Variants in DHRSX observed in about 807,000 individuals in gnomAD.
DHRSX encodes polyprenol dehydrogenase.
DHRSX carries 31 observed loss-of-function variants against 34.0 expected under a neutral mutation model. The ratio of observed to expected loss-of-function variants is 0.91; its 90% CI spans 0.69 to 1.23. The LOEUF (loss-of-function observed/expected upper bound fraction) is 1.23. DHRSX is among the 50% of genes most tolerant of loss of function. The pLI is 0.00. For missense variants in DHRSX, 414 were observed against 428.1 expected (o/e 0.97, Z 0.29); for synonymous variants, 201 against 183.8 (o/e 1.09, Z -0.76).
intron 5 of DHRSX, among the ~76,000 whole-genome samples, chrX:2,252,799 C>G: frequency 6.6e-6 from 1 of 152,172 alleles, no homozygotes; most frequent in South Asian, 2.1e-4. Context: ...GAAGAAATAT[C>G]CACCCCAGAA....
intron 1 of DHRSX, among the ~76,000 whole-genome samples, chrX:2,425,516 T>C (rs190881867): frequency 6.6e-6 from 1 of 152,126 alleles, no homozygotes; most frequent in Non-Finnish European, 1.5e-5. Context: ...AAAAACCACC[T>C]GATAAATCCC....
At chrX:2,253,626 C>T (rs62595490) in intron 5 of DHRSX, among the ~76,000 whole-genome samples, 108,241 of 152,192 alleles carry the variant, frequency 0.71, 39,830 homozygotes, top group African/African-American at 0.8. Flanking sequence ...ATGAGCTTTC[C>T]TGTTGAATAA....
intron 3 of DHRSX, among the ~76,000 whole-genome samples, chrX:2,378,669 CTTGA>C (rs1037084808): frequency 6.6e-6 from 1 of 151,506 alleles, no homozygotes; most frequent in African/African-American, 2.4e-5. Context: ...ATTTTTTTCT[CTTGA>C]TTAATTTTTT....
chrX:2,342,441 C>T (rs1602975457), intron 3 of DHRSX, among the ~76,000 whole-genome samples: 1 of 152,026 alleles, frequency 6.6e-6, no homozygotes, highest in East Asian at 1.9e-4. Flanking sequence ...CTGGGCAGGA[C>T]GGTGACCATG....
chrX:2,355,510 C>CT (rs1193194275), intron 3 of DHRSX, among the ~76,000 whole-genome samples: 2 of 28,552 alleles, frequency 7.0e-5, no homozygotes, highest in Admixed American at 7.5e-4. Flanking sequence ...GAGACCCCAT[C>CT]TAAAAAAAAA....
intron 1 of DHRSX, among the ~76,000 whole-genome samples, chrX:2,432,151 G>A (rs748385583): frequency 9.9e-5 from 15 of 151,996 alleles, no homozygotes; most frequent in South Asian, 8.3e-4. Flanking sequence ...CTGAGATCAC[G>A]CCAGTGCACT....
intron 3 of DHRSX, among the ~76,000 whole-genome samples, chrX:2,296,327 C>T (rs2041931019): frequency 6.6e-6 from 1 of 152,098 alleles, no homozygotes. Flanking sequence ...CGCATGCCAG[C>T]TTCTGCCCCA....
At chrX:2,497,741 G>A (rs2045318052) in intron 1 of DHRSX, among the ~76,000 whole-genome samples, 1 of 152,096 alleles carries the variant, frequency 6.6e-6, no homozygotes, top group African/African-American at 2.4e-5. Flanking sequence ...TCTCTCCTTT[G>A]CAAAACTCAT....
At chrX:2,378,818 G>A (rs376276618) in intron 3 of DHRSX, among the ~76,000 whole-genome samples, 2 of 151,816 alleles carry the variant, frequency 1.3e-5, no homozygotes, top group African/African-American at 4.8e-5. Context: ...TTGCAGGTGC[G>A]CACCACCACG....
At chrX:2,285,551 G>A (rs1431130392) in intron 4 of DHRSX, among the ~76,000 whole-genome samples, 1 of 151,596 alleles carries the variant, frequency 6.6e-6, no homozygotes, top group African/African-American at 2.4e-5. Flanking sequence ...TACAGATGAA[G>A]CTTTGCTTGT....
chrX:2,405,924 G>C (rs2043549205), intron 3 of DHRSX, among the ~76,000 whole-genome samples: 1 of 151,470 alleles, frequency 6.6e-6, no homozygotes, highest in Non-Finnish European at 1.5e-5. Context: ...AAAAAATAAG[G>C]TACCACACAT....
chrX:2,491,947 G>A (rs2045159158), intron 1 of DHRSX, among the ~76,000 whole-genome samples: 1 of 152,174 alleles, frequency 6.6e-6, no homozygotes, highest in Non-Finnish European at 1.5e-5. Flanking sequence ...TCTGTGACTG[G>A]GTTGCCCAAA....
At chrX:2,434,013 C>T (rs908161608) in intron 1 of DHRSX, among the ~76,000 whole-genome samples, 3 of 152,048 alleles carry the variant, frequency 2.0e-5, no homozygotes, top group Non-Finnish European at 2.9e-5. Context: ...CTCCTGATCT[C>T]GTGATCCGCC....
At chrX:2,245,763 C>T (rs74924424) in intron 5 of DHRSX, among the ~76,000 whole-genome samples, 72,859 of 142,474 alleles carry the variant, frequency 0.51, 18,901 homozygotes, top group Middle Eastern at 0.6. Flanking sequence ...TGAGACCAGG[C>T]TGGCCAACAT....
At chrX:2,405,279 G>A (rs756206803) in intron 3 of DHRSX, among the ~76,000 whole-genome samples, 1 of 151,044 alleles carries the variant, frequency 6.6e-6, no homozygotes, top group Admixed American at 6.6e-5. Flanking sequence ...ATGAGGTCAG[G>A]AGTTCAAGAC....
chrX:2,408,347 T>C (rs1334739616), intron 3 of DHRSX, among the ~76,000 whole-genome samples: 1 of 152,026 alleles, frequency 6.6e-6, no homozygotes. Flanking sequence ...GTGCTGGGAT[T>C]ACAGGCGCGA....
intron 6 of DHRSX, among the ~76,000 whole-genome samples, chrX:2,231,330 A>G (rs1302851782): frequency 3.3e-5 from 5 of 151,696 alleles, no homozygotes; most frequent in South Asian, 2.1e-4. Flanking sequence ...GTGTACCTCA[A>G]ACTGATCTGG....
rs112680079 is a variant in DHRSX at position 2,341,651 on chromosome X, C to CTT, written c.287-50050_287-50049dup. Among the ~76,000 whole-genome samples the CTT allele has an allele frequency of 1.3e-4, 16 of 121,084 alleles. No individual in the cohort carries two copies. In the East Asian group the frequency reaches 4.1e-3, roughly 31 times the overall value. 79.4% of individuals were successfully genotyped at this position (121,084 alleles called of 152,430 possible). On this transcript the variant is annotated intron_variant, in intron 3 of 6. Transcript: ENST00000334651. Reference sequence around the variant, plus strand: ...ATGTACAGATTCAAGGTGAACTTGTCTTTTTTTTTTTTTTGGTGGGGGTGG... The same window carrying CTT: ...ATGTACAGATTCAAGGTGAACTTGTCTTTTTTTTTTTTTTTTGGTGGGGGTGG...
chrX:2,393,843 C>T (rs113863631), intron 3 of DHRSX, among the ~76,000 whole-genome samples: 7 of 85,332 alleles, frequency 8.2e-5, no homozygotes, highest in Admixed American at 1.3e-4. Flanking sequence ...CCTGCACACA[C>T]GACACACAGG....
Sources: gnomAD v4.1 joint callset for allele counts (sites outside exome capture counted in the v4.1 genomes callset) on GRCh38, gnomAD v4.1.1 for gene constraint, MANE v1.5 for transcripts, NCBI Gene and HGNC (gene_info 2026-07-23, HGNC 2026-07-21) for gene names.